PRKN: variants seen among roughly 807,000 people sequenced by gnomAD.
The protein encoded by PRKN is parkin RBR E3 ubiquitin protein ligase, also known as E3 ubiquitin-protein ligase parkin.
In PRKN, 56 loss-of-function variants were observed where a neutral mutation model predicts 59.5. The ratio of observed to expected loss-of-function variants is 0.94; its 90% CI spans 0.76 to 1.18. The LOEUF is 1.18. Ranked by LOEUF, PRKN falls within the 50% of genes most tolerant of loss-of-function variation. The pLI is 0.00. For missense variants in PRKN, 657 were observed against 596.4 expected, an observed-to-expected ratio of 1.10 and a Z score of -1.06; for synonymous variants, 250 against 222.1, an observed-to-expected ratio of 1.13 and a Z score of -1.12.
In PRKN at chr6:161,382,594, C is replaced by T. The variant is rs561985493; in HGVS notation, c.1167+4200G>A. The stretch of plus-strand genomic sequence containing the variant: ...TTAGCAAGCCTCCAGGGGCAATACG[C>T]GGAAGGAACTGGAACACGGGGAGGA... On this transcript the variant is annotated intron_variant, in intron 10 of 11. Coordinates refer to ENST00000366898, the MANE Select transcript of PRKN (RefSeq NM_004562.3). Among the ~76,000 whole-genome samples, 26 of 152,024 alleles carry T rather than the reference C, an allele frequency of 1.7e-4. 1 individual carries two copies. The highest frequency in any genetic ancestry group is 3.1e-4 in the Non-Finnish European group (21 of 68,024).
chr6:162,016,563 A>G (rs187528338), intron 5 of PRKN, among the ~76,000 whole-genome samples: 168 of 152,206 alleles, frequency 1.1e-3, no homozygotes, highest in Admixed American at 0.01. Flanking sequence ...TAGTTGGGCC[A>G]TGTCTATTGC....
At chr6:162,489,391 G>A (rs1460808001) in intron 1 of PRKN, among the ~76,000 whole-genome samples, 1 of 152,134 alleles carries the variant, frequency 6.6e-6, no homozygotes, top group East Asian at 1.9e-4. Flanking sequence ...ATTAGAAAGG[G>A]ATTCAGTACA....
intron 7 of PRKN, among the ~76,000 whole-genome samples, chr6:161,737,180 G>A (rs947885968): frequency 2.6e-5 from 4 of 152,208 alleles, no homozygotes; most frequent in South Asian, 2.1e-4. Context: ...AGGGGCTGAC[G>A]GCGAGGTCCA....
At chr6:162,075,758 C>A (rs763214166) in intron 4 of PRKN, among the ~76,000 whole-genome samples, 3 of 151,978 alleles carry the variant, frequency 2.0e-5, no homozygotes, top group Non-Finnish European at 4.4e-5. Context: ...TCCTAAAGGG[C>A]AACAGAACTT....
chr6:162,458,659 T>C (rs9365439), intron 1 of PRKN, among the ~76,000 whole-genome samples: 27,627 of 141,656 alleles, frequency 0.2, 2,963 homozygotes, highest in African/African-American at 0.3. Context: ...TTTTTTTTTT[T>C]CCCAGTGGCA....
At chr6:162,469,971 G>A (rs1421998762) in intron 1 of PRKN, among the ~76,000 whole-genome samples, 1 of 152,174 alleles carries the variant, frequency 6.6e-6, no homozygotes, top group Non-Finnish European at 1.5e-5. Flanking sequence ...GTATGCAGAA[G>A]AAATAGTAAA....
intron 6 of PRKN, among the ~76,000 whole-genome samples, chr6:161,947,429 A>G (rs955712102): frequency 3.3e-5 from 5 of 152,260 alleles, no homozygotes; most frequent in Middle Eastern, 6.8e-3. Context: ...TGATCTGCAG[A>G]CTTTATTGAT....
At chr6:162,079,131 CG>C (rs1189046387) in intron 4 of PRKN, among the ~76,000 whole-genome samples, 7 of 152,056 alleles carry the variant, frequency 4.6e-5, no homozygotes, top group African/African-American at 1.7e-4. Flanking sequence ...GGATGGAAAT[CG>C]CTGTTCACAG....
At chr6:161,573,459 G>T (rs1780972452) in intron 7 of PRKN, among the ~76,000 whole-genome samples, 2 of 151,568 alleles carry the variant, frequency 1.3e-5, no homozygotes, top group Admixed American at 6.6e-5. Context: ...GGTGGTTCAC[G>T]CCTGTAATCC....
Position 161,440,966 on chromosome 6 carries a change from T to C in PRKN, c.1084-54089A>G, listed in dbSNP as rs1789184713. ...AAGACAAAGAGAAAGATGGGATTGT[T>C]CTTGCAAAATCTCATTGGTAAAGAG... On this transcript the variant is annotated intron_variant, in intron 9 of 11. Coordinates refer to ENST00000366898, the MANE Select transcript of PRKN (RefSeq NM_004562.3). The surrounding 1 kb of genome is among the most constrained non-coding windows in gnomAD (Gnocchi z 4.1). Among the ~76,000 whole-genome samples, 1 of 152,222 alleles carries C rather than the reference T, an allele frequency of 6.6e-6. No homozygotes were observed. Among genetic ancestry groups the C allele is most frequent in the African/African-American group, 2.4e-5 (1 of 41,464 alleles).
At chr6:162,599,061 T>A (rs979285203) in intron 1 of PRKN, among the ~76,000 whole-genome samples, 1 of 152,080 alleles carries the variant, frequency 6.6e-6, no homozygotes, top group Non-Finnish European at 1.5e-5. Flanking sequence ...CCAGTATACA[T>A]CCTAAAAATG....
chr6:161,603,991 T>C (rs992537046), intron 7 of PRKN, among the ~76,000 whole-genome samples: 2 of 152,202 alleles, frequency 1.3e-5, no homozygotes, highest in African/African-American at 4.8e-5. Context: ...GCACCATCTA[T>C]GAGGAAGTGG....
At chr6:162,090,965 C>T (rs1779470704) in intron 4 of PRKN, among the ~76,000 whole-genome samples, 1 of 152,150 alleles carries the variant, frequency 6.6e-6, no homozygotes, top group African/African-American at 2.4e-5. Flanking sequence ...TTACACTTGC[C>T]AGTATAATAC....
At chr6:162,138,615 T>C (rs1341135688) in intron 4 of PRKN, among the ~76,000 whole-genome samples, 4 of 152,008 alleles carry the variant, frequency 2.6e-5, no homozygotes, top group Non-Finnish European at 1.5e-5. Flanking sequence ...TAGTCAAGAA[T>C]ATTTAGCTAC....
rs1166283389 is a variant in PRKN at position 161,407,196 on chromosome 6, G to C, written c.1084-20319C>G. ...TCATAATCTACATGGAAAACAAAAA[G>C]TCATACCAAAATTATAACTGCTAAG... On this transcript the variant is annotated intron_variant, in intron 9 of 11. Transcript: ENST00000366898. The surrounding 1 kb of genome is among the most constrained non-coding windows in gnomAD (Gnocchi z 4.9). Among the ~76,000 whole-genome samples, 1 of 152,012 alleles carries C rather than the reference G, an allele frequency of 6.6e-6. No homozygotes were observed. Among genetic ancestry groups the C allele is most frequent in the Non-Finnish European group, 1.5e-5 (1 of 68,006 alleles).
In PRKN at chr6:162,472,636, C is replaced by T. The variant is rs1325112994; in HGVS notation, c.8-29163G>A. Among the ~76,000 whole-genome samples, 9 of 126,536 alleles carry T rather than the reference C, an allele frequency of 7.1e-5. 2 individuals carry two copies. The highest frequency in any genetic ancestry group is 1.5e-4 in the Non-Finnish European group (9 of 58,698). 83.0% of individuals were successfully genotyped at this position (126,536 alleles called of 152,430 possible). ...CCGAGTAGCTGGGACTACAGGCGCC[C>T]GCCACCACGCCCGGCTAATTTTTTT... On this transcript the variant is annotated intron_variant, in intron 1 of 11. Coordinates refer to ENST00000366898, the MANE Select transcript of PRKN (RefSeq NM_004562.3).
intron 7 of PRKN, among the ~76,000 whole-genome samples, chr6:161,733,234 A>G (rs1336901541): frequency 6.6e-6 from 1 of 152,198 alleles, no homozygotes; most frequent in Non-Finnish European, 1.5e-5. Context: ...AACTGATGGG[A>G]AAGTCTATGG....
chr6:162,413,501 CA>C (rs1432389172), intron 2 of PRKN, among the ~76,000 whole-genome samples: 1 of 152,164 alleles, frequency 6.6e-6, no homozygotes, highest in Non-Finnish European at 1.5e-5. Flanking sequence ...GTATTACTGA[CA>C]AAATGAAACA....
chr6:161,526,889 C>A lies in PRKN; in HGVS notation c.1083+21965G>T, dbSNP rs1779036333. On this transcript the variant is annotated intron_variant, in intron 9 of 11. Coordinates refer to ENST00000366898, the MANE Select transcript of PRKN (RefSeq NM_004562.3). This position sits in a 1 kb window ranked among gnomAD's most constrained non-coding sequence, Gnocchi z 4.1. ...TAGGTAATTGGAGTTTATATAGAAT[C>A]CCTGGGCTACAGAAAGGAATAGAGG... 6.6e-6 allele frequency among the ~76,000 whole-genome samples: 1 copy of A among 152,046 alleles called. No individual in the cohort carries two copies.
Sources: allele counts gnomAD v4.1 joint callset (sites outside exome capture counted in the v4.1 genomes callset), GRCh38; gene constraint gnomAD v4.1.1; non-coding constraint Gnocchi (gnomAD v3.1); transcripts MANE v1.5; gene names NCBI Gene and HGNC (gene_info 2026-07-23, HGNC 2026-07-21).